LYPLAL1: variants seen among roughly 807,000 people sequenced by gnomAD.
LYPLAL1 encodes lysophospholipase like 1.
A neutral mutation model predicts 19.7 loss-of-function variants in LYPLAL1; 23 were observed. The ratio of observed to expected loss-of-function variants is 1.17; its 90% CI spans 0.84 to 1.65. The LOEUF (loss-of-function observed/expected upper bound fraction) is 1.65. Among genes scored for constraint, LYPLAL1 ranks in the 40% most tolerant of loss-of-function variants. The probability of loss-of-function intolerance (pLI) is 0.00; values close to 1 mark genes in which losing one functional copy is unlikely to be tolerated. For synonymous variants in LYPLAL1, 119 were observed against 96.3 expected (o/e 1.24, Z -1.38); for missense variants, 355 against 279.4 (o/e 1.27, Z -1.93).
At chr1:219,265,968 G>C in the LYPLAL1 span, among the ~76,000 whole-genome samples, 1 of 152,100 alleles carries the variant, frequency 6.6e-6, no homozygotes, top group Admixed American at 6.6e-5. Context: ...AGTTGCTCTG[G>C]GGTGGCAGGT....
the LYPLAL1 span, among the ~76,000 whole-genome samples, chr1:219,388,001 T>C: frequency 2.0e-5 from 3 of 152,182 alleles, no homozygotes; most frequent in Admixed American, 6.5e-5. Context: ...TGAAAAGCTT[T>C]CCCAATACCT....
At chr1:219,186,506 G>A (rs1656733082) in intron 2 of LYPLAL1, among the ~76,000 whole-genome samples, 1 of 149,316 alleles carries the variant, frequency 6.7e-6, no homozygotes, top group Non-Finnish European at 1.5e-5. Flanking sequence ...TATATTATTA[G>A]GTGCATATTC....
At chr1:219,409,186 C>T in the LYPLAL1 span, among the ~76,000 whole-genome samples, 3 of 152,110 alleles carry the variant, frequency 2.0e-5, no homozygotes, top group African/African-American at 4.8e-5. Flanking sequence ...TAGTGGCTCA[C>T]GCCTGTAATC....
the LYPLAL1 span, among the ~76,000 whole-genome samples, chr1:219,412,881 C>T: frequency 6.6e-6 from 1 of 152,168 alleles, no homozygotes; most frequent in Non-Finnish European, 1.5e-5. Context: ...TTTTGGTTTG[C>T]TTCATGAGAC....
chr1:219,365,560 A>G, the LYPLAL1 span, among the ~76,000 whole-genome samples: 8 of 152,300 alleles, frequency 5.3e-5, no homozygotes, highest in African/African-American at 1.4e-4. Flanking sequence ...TTGACTGTCA[A>G]TGTCAATTAA....
the LYPLAL1 span, among the ~76,000 whole-genome samples, chr1:219,366,916 A>T: frequency 1.3e-5 from 2 of 152,090 alleles, no homozygotes; most frequent in Non-Finnish European, 2.9e-5. Flanking sequence ...AAATGAAAAA[A>T]ATTAAATGAT....
chr1:219,295,645 T>G, the LYPLAL1 span, among the ~76,000 whole-genome samples: 1 of 152,166 alleles, frequency 6.6e-6, no homozygotes, highest in Non-Finnish European at 1.5e-5. Context: ...TCTTCACTGC[T>G]TTCTTTAAGA....
downstream of LYPLAL1, among the ~76,000 whole-genome samples, chr1:219,217,474 T>C (rs1450165880): frequency 6.6e-6 from 1 of 150,818 alleles, no homozygotes; most frequent in Non-Finnish European, 1.5e-5. Flanking sequence ...AAATATTTTA[T>C]ATAATCTTCA....
At chr1:219,256,873 C>CT in the LYPLAL1 span, among the ~76,000 whole-genome samples, 2 of 151,888 alleles carry the variant, frequency 1.3e-5, no homozygotes, top group African/African-American at 2.4e-5. Flanking sequence ...TTCTGGCTAT[C>CT]TTTTTTTGTG....
the LYPLAL1 span, among the ~76,000 whole-genome samples, chr1:219,267,884 C>A: frequency 1.3e-5 from 2 of 152,154 alleles, no homozygotes; most frequent in Non-Finnish European, 2.9e-5. Flanking sequence ...ATCATTTAAT[C>A]AGAATTTTCT....
At chr1:219,275,739 A>G in the LYPLAL1 span, among the ~76,000 whole-genome samples, 1 of 152,044 alleles carries the variant, frequency 6.6e-6, no homozygotes, top group Non-Finnish European at 1.5e-5. Flanking sequence ...TATAGAGTTA[A>G]ATATAATATG....
At chr1:219,251,508 T>C in the LYPLAL1 span, among the ~76,000 whole-genome samples, 2 of 151,734 alleles carry the variant, frequency 1.3e-5, no homozygotes, top group African/African-American at 2.4e-5. Context: ...TAGCCAGTTA[T>C]CCTAGCATCA....
At chr1:219,260,856 G>T in the LYPLAL1 span, among the ~76,000 whole-genome samples, 144 of 151,568 alleles carry the variant, frequency 9.5e-4, 1 homozygote, top group African/African-American at 2.7e-3. Flanking sequence ...TTAGAAATTA[G>T]GTTCTATAGG....
At chr1:219,256,822 A>G in the LYPLAL1 span, among the ~76,000 whole-genome samples, 1 of 151,984 alleles carries the variant, frequency 6.6e-6, no homozygotes, top group Non-Finnish European at 1.5e-5. Context: ...TCCATAAGTT[A>G]TCAAGAAGTA....
chr1:219,173,895 CG>C lies in LYPLAL1; in HGVS notation c.7del (p.Ala3LeufsTer22). 1 of 1,612,490 alleles carries C rather than the reference CG, an allele frequency of 6.2e-7. No individual in the cohort carries two copies. The highest frequency in any genetic ancestry group is 8.5e-7 in the Non-Finnish European group (1 of 1,179,868). On this transcript the variant is annotated frameshift_variant, in exon 1 of 5. Transcript: ENST00000366928. LOFTEE classifies it high-confidence loss of function. ...TGACTGGCAGTGGCATCAGCGATGG[CG>C]GCTGCGTCGGGGTCGGTTCTGCAGC... M[A>X]AASGSVLQRC...
At chr1:219,280,327 T>A in the LYPLAL1 span, among the ~76,000 whole-genome samples, 1 of 152,200 alleles carries the variant, frequency 6.6e-6, no homozygotes, top group African/African-American at 2.4e-5. Context: ...AACAAAATAC[T>A]TGAGTTGGAA....
At chr1:219,439,352 C>G in the LYPLAL1 span, among the ~76,000 whole-genome samples, 1 of 152,160 alleles carries the variant, frequency 6.6e-6, no homozygotes, top group Admixed American at 6.6e-5. Context: ...TTGCCTTCCT[C>G]TTTTCATAAC....
the LYPLAL1 span, among the ~76,000 whole-genome samples, chr1:219,405,056 C>A: frequency 3.9e-5 from 6 of 152,214 alleles, no homozygotes; most frequent in African/African-American, 1.4e-4. Context: ...AATCAATAAA[C>A]ATTTTCTAAG....
the LYPLAL1 span, among the ~76,000 whole-genome samples, chr1:219,315,123 A>G: frequency 6.6e-6 from 1 of 152,192 alleles, no homozygotes; most frequent in African/African-American, 2.4e-5. Context: ...AGATATTTTA[A>G]GTATTATTGG....
Sources: allele counts gnomAD v4.1 joint callset (sites outside exome capture counted in the v4.1 genomes callset), GRCh38; gene constraint gnomAD v4.1.1; transcripts MANE v1.5; gene names NCBI Gene and HGNC (gene_info 2026-07-23, HGNC 2026-07-21).